Variants in DMD observed in about 807,000 individuals in gnomAD.
The protein encoded by DMD is dystrophin, also known as mutant dystrophin.
A neutral mutation model predicts 330.1 loss-of-function variants in DMD; 63 were observed. The ratio of observed to expected loss-of-function variants is 0.19; its 90% CI spans 0.16 to 0.24. DMD has a LOEUF of 0.24. Among genes scored for constraint, DMD ranks in the 10% least tolerant of loss-of-function variants. DMD has a pLI of 1.00. For synonymous variants in DMD, 1,223 were observed against 959.8 expected, an observed-to-expected ratio of 1.27 and a Z score of -5.07; for missense variants, 3,344 against 2,684.1, an observed-to-expected ratio of 1.25 and a Z score of -5.43.
chrX:32,541,920 A>G (rs924432389), intron 17 of DMD, among the ~76,000 whole-genome samples: 4 of 112,105 alleles, frequency 3.6e-5, no homozygotes, highest in Non-Finnish European at 7.5e-5. Flanking sequence ...AATTATAACT[A>G]AAATATGTGT....
chrX:31,244,201 T>C (rs1223340893), intron 63 of DMD, among the ~76,000 whole-genome samples: 1 of 112,507 alleles, frequency 8.9e-6, no homozygotes, highest in Non-Finnish European at 1.9e-5. Context: ...AAGTTGTTCC[T>C]GTAATTCGGA....
chrX:32,748,976 C>A (rs2070442672), intron 7 of DMD, among the ~76,000 whole-genome samples: 1 of 112,187 alleles, frequency 8.9e-6, no homozygotes, highest in South Asian at 3.7e-4. Flanking sequence ...TTAACAGAAC[C>A]TTTTCTCCCA....
At chrX:31,284,557 T>TTTCTTCTTCTTCTTTCTTC (rs2052896374) in intron 62 of DMD, among the ~76,000 whole-genome samples, 1 of 78,070 alleles carries the variant, frequency 1.3e-5, no homozygotes, top group African/African-American at 5.2e-5. Flanking sequence ...TAACGAACTG[T>TTTCTTCTTCTTCTTTCTTC]TTCTTCTTCT....
rs761623139 is a variant in DMD, at chrX:33,232,882, A to G, written c.7+106377T>C. On this transcript the variant is annotated intron_variant, in intron 1 of 17. Coordinates refer to the DMD transcript ENST00000288447. ...GATGGACAGAATCTAAAAAAGTTGA[A>G]CTCATAGAAATACAGATTAGAATGA... Among the ~76,000 whole-genome samples, 6 of 111,288 alleles carry G rather than the reference A, an allele frequency of 5.4e-5. No homozygotes were observed. The East Asian group carries it at 1.7e-3, about 32-fold the overall frequency.
intron 20 of DMD, among the ~76,000 whole-genome samples, chrX:32,485,461 G>A (rs920547996): frequency 5.4e-5 from 6 of 110,372 alleles, no homozygotes; most frequent in African/African-American, 2.0e-4. Context: ...AAAATGATGT[G>A]CGCTTGCTTC....
In DMD at chrX:32,705,875, GGT is replaced by G. The variant is rs748738098; in HGVS notation, c.650-6584_650-6583del. Among the ~76,000 whole-genome samples, 195 of 109,870 alleles carry G rather than the reference GGT, an allele frequency of 1.8e-3. 1 individual carries two copies. The highest frequency in any genetic ancestry group is 2.5e-3 in the Non-Finnish European group (134 of 52,741). ...ATTTGAGCCAGCCATCCCATTACTG[GGT>G]ATATACCCAAAGGACTATAAATCAT... is the stretch of plus-strand genomic sequence containing the variant. On this transcript the variant is annotated intron_variant, in intron 7 of 78. Transcript: ENST00000357033.
intron 23 of DMD, among the ~76,000 whole-genome samples, chrX:32,467,047 T>C (rs926072854): frequency 3.6e-5 from 4 of 112,168 alleles, no homozygotes; most frequent in Non-Finnish European, 7.5e-5. Context: ...AGGCCACTGG[T>C]CTTGACAAAT....
intron 55 of DMD, among the ~76,000 whole-genome samples, chrX:31,591,901 G>A (rs1283497260): frequency 9.0e-6 from 1 of 110,992 alleles, no homozygotes. Flanking sequence ...TATTAAAGTA[G>A]TTCCTCCTAA....
intron 54 of DMD, among the ~76,000 whole-genome samples, chrX:31,650,169 G>T (rs766993172): frequency 2.9e-5 from 3 of 102,461 alleles, no homozygotes; most frequent in African/African-American, 1.1e-4. Context: ...TGCCCAGGCT[G>T]GTCTCAAACT....
intron 44 of DMD, among the ~76,000 whole-genome samples, chrX:32,103,976 T>C (rs1163583311): frequency 9.0e-6 from 1 of 111,434 alleles, no homozygotes; most frequent in Non-Finnish European, 1.9e-5. Context: ...GTATTTTGTG[T>C]TTTCATCATT....
At chrX:31,815,364 C>T (rs999906130) in intron 50 of DMD, among the ~76,000 whole-genome samples, 1 of 110,224 alleles carries the variant, frequency 9.1e-6, no homozygotes, top group South Asian at 3.9e-4. Flanking sequence ...GCAGGAGAAC[C>T]GCTTCAACCC....
At chrX:32,116,825 C>A (rs2096612756) in intron 44 of DMD, among the ~76,000 whole-genome samples, 1 of 112,187 alleles carries the variant, frequency 8.9e-6, no homozygotes, top group Non-Finnish European at 1.9e-5. Flanking sequence ...TTCCCACCAA[C>A]TTTGTGGCTT....
chrX:32,870,980 A>AAAAAAAAAG (rs770375159), intron 2 of DMD, among the ~76,000 whole-genome samples: 1,104 of 37,006 alleles, frequency 0.03, 76 homozygotes, highest in African/African-American at 0.035. Context: ...AAAAAAAAAA[A>AAAAAAAAAG]AAAAAAAACC....
In DMD at chrX:32,386,029, C is replaced by A. The variant is rs899547128; in HGVS notation, c.4674+281G>T. Among the ~76,000 whole-genome samples, 3 of 109,635 alleles carry A rather than the reference C, an allele frequency of 2.7e-5. No homozygotes were observed. The East Asian group carries it at 8.6e-4, about 31-fold the overall frequency. ...ATGGACCAGGAAAAACCTCCCTGAGCGTTACGTATTTTTCAATCTGAATAA... is the reference window on the plus strand; with the variant it reads ...ATGGACCAGGAAAAACCTCCCTGAGAGTTACGTATTTTTCAATCTGAATAA... On this transcript the variant is annotated intron_variant, in intron 33 of 78. Transcript: ENST00000357033.
chrX:32,302,612 T>A (rs979379333), intron 42 of DMD, among the ~76,000 whole-genome samples: 7 of 111,849 alleles, frequency 6.3e-5, no homozygotes, highest in African/African-American at 2.3e-4. Context: ...AAGATATAAA[T>A]ATGCAATTTT....
intron 44 of DMD, among the ~76,000 whole-genome samples, chrX:32,185,212 T>C (rs2096941383): frequency 9.0e-6 from 1 of 111,534 alleles, no homozygotes; most frequent in Non-Finnish European, 1.9e-5. Flanking sequence ...TGAGTTCATT[T>C]ATTTCAGCAG....
intron 2 of DMD, among the ~76,000 whole-genome samples, chrX:32,977,712 G>GAT (rs781460979): frequency 0.015 from 1,604 of 107,684 alleles, 40 homozygotes; most frequent in African/African-American, 0.05. Context: ...ATGTATGTGT[G>GAT]ATATATATAT....
intron 2 of DMD, among the ~76,000 whole-genome samples, chrX:32,896,139 C>T (rs1344275788): frequency 9.0e-6 from 1 of 111,215 alleles, no homozygotes; most frequent in African/African-American, 3.3e-5. Context: ...TGCCCTGATG[C>T]TTTTGCAATA....
chrX:33,088,661 G>A (rs1224487037), intron 1 of DMD, among the ~76,000 whole-genome samples: 2 of 110,782 alleles, frequency 1.8e-5, no homozygotes, highest in African/African-American at 3.3e-5. Context: ...CTCCAGCCTG[G>A]GCGACAGAGC....
Sources: allele counts gnomAD v4.1 joint callset (sites outside exome capture counted in the v4.1 genomes callset), GRCh38; gene constraint gnomAD v4.1.1; transcripts MANE v1.5; gene names NCBI Gene and HGNC (gene_info 2026-07-23, HGNC 2026-07-21).